Variants in PLGRKT observed in about 807,000 individuals in gnomAD.
PLGRKT encodes plasminogen receptor (KT).
PLGRKT carries 22 observed loss-of-function variants against 18.5 expected under a neutral mutation model. The observed-to-expected ratio is 1.19, with a 90% confidence interval of 0.85 to 1.70. PLGRKT has a LOEUF of 1.70. Ranked by LOEUF, PLGRKT falls within the 40% of genes most tolerant of loss-of-function variation. The probability of loss-of-function intolerance (pLI) is 0.00; values close to 1 mark genes in which losing one functional copy is unlikely to be tolerated. For missense variants in PLGRKT, 235 were observed against 174.4 expected (o/e 1.35, Z -1.96); for synonymous variants, 72 against 52.8 (o/e 1.36, Z -1.58).
intron 3 of PLGRKT, among the ~76,000 whole-genome samples, chr9:5,424,668 T>TTATATATATA (rs375682412): frequency 2.4e-4 from 27 of 113,152 alleles, no homozygotes; most frequent in African/African-American, 9.9e-4. Context: ...ATTATATATT[T>TTATATATATA]TATATATATA....
intron 3 of PLGRKT, among the ~76,000 whole-genome samples, chr9:5,424,691 T>TATATATATATATAC (rs201541927): frequency 4.3e-5 from 3 of 70,502 alleles, no homozygotes; most frequent in African/African-American, 1.8e-4. Context: ...TATATATATA[T>TATATATATATATAC]ACACACAGGG....
chr9:5,399,899 G>C (rs1419921847), intron 3 of PLGRKT, among the ~76,000 whole-genome samples: 3 of 151,702 alleles, frequency 2.0e-5, no homozygotes, highest in African/African-American at 7.3e-5. Context: ...GCTGAGGAAG[G>C]AGAATCACTT....
chr9:5,430,207 T>C (rs1009378143), intron 3 of PLGRKT, among the ~76,000 whole-genome samples: 5 of 152,254 alleles, frequency 3.3e-5, no homozygotes, highest in African/African-American at 1.2e-4. Context: ...TCTTCTGTAA[T>C]AGGCTAACAC....
At chr9:5,395,533 T>C (rs544669829) in intron 3 of PLGRKT, among the ~76,000 whole-genome samples, 3 of 151,992 alleles carry the variant, frequency 2.0e-5, no homozygotes, top group South Asian at 2.1e-4. Flanking sequence ...CATTATGAAA[T>C]AAGAAAGTAT....
intron 3 of PLGRKT, among the ~76,000 whole-genome samples, chr9:5,428,859 T>G (rs1291391530): frequency 6.6e-6 from 1 of 152,156 alleles, no homozygotes. Context: ...ACACCATGCC[T>G]GGCTAATTTT....
intron 3 of PLGRKT, among the ~76,000 whole-genome samples, chr9:5,380,354 G>A (rs1480336842): frequency 2.8e-5 from 4 of 143,674 alleles, no homozygotes; most frequent in South Asian, 2.2e-4. Flanking sequence ...GCCAAACAGC[G>A]AGACTCTGTC....
At chr9:5,431,682 T>C (rs1818828095) in intron 3 of PLGRKT, among the ~76,000 whole-genome samples, 1 of 152,192 alleles carries the variant, frequency 6.6e-6, no homozygotes, top group South Asian at 2.1e-4. Context: ...TATCTCTTCC[T>C]ACAGAATGGA....
intron 3 of PLGRKT, among the ~76,000 whole-genome samples, chr9:5,376,265 T>G (rs1007047142): frequency 6.6e-6 from 1 of 152,052 alleles, no homozygotes; most frequent in Non-Finnish European, 1.5e-5. Context: ...GTTCTGGAGA[T>G]GGAGGGTGGT....
At chr9:5,382,674 A>C (rs1043336071) in intron 3 of PLGRKT, among the ~76,000 whole-genome samples, 1 of 152,222 alleles carries the variant, frequency 6.6e-6, no homozygotes, top group African/African-American at 2.4e-5. Context: ...CAGAACAGTG[A>C]CATGATCAGA....
intron 3 of PLGRKT, among the ~76,000 whole-genome samples, chr9:5,372,163 T>C (rs1189706918): frequency 6.6e-6 from 1 of 151,644 alleles, no homozygotes; most frequent in Non-Finnish European, 1.5e-5. Context: ...TGTATTTTTA[T>C]AGAGATGGGG....
chr9:5,373,679 T>TCACCCAC (rs1817572077), intron 3 of PLGRKT, among the ~76,000 whole-genome samples: 1 of 152,080 alleles, frequency 6.6e-6, no homozygotes, highest in Non-Finnish European at 1.5e-5. Context: ...ACACCTGTAG[T>TCACCCAC]CTTGGCTACT....
At chr9:5,376,182 G>C (rs1817623637) in intron 3 of PLGRKT, among the ~76,000 whole-genome samples, 1 of 152,218 alleles carries the variant, frequency 6.6e-6, no homozygotes, top group Non-Finnish European at 1.5e-5. Flanking sequence ...GTGGTTGCCA[G>C]GGACTGGAGG....
At chr9:5,391,492 G>T (rs1169070773) in intron 3 of PLGRKT, among the ~76,000 whole-genome samples, 1 of 151,918 alleles carries the variant, frequency 6.6e-6, no homozygotes, top group Non-Finnish European at 1.5e-5. Context: ...GTGCTTCTGG[G>T]TACAAAGATG....
At chr9:5,402,924 A>G (rs1019635654) in intron 3 of PLGRKT, among the ~76,000 whole-genome samples, 1 of 152,002 alleles carries the variant, frequency 6.6e-6, no homozygotes, top group Non-Finnish European at 1.5e-5. Flanking sequence ...CTTGACAAGA[A>G]AAAATTGAAA....
At chr9:5,417,349 C>T (rs1436052902) in intron 3 of PLGRKT, among the ~76,000 whole-genome samples, 11 of 151,998 alleles carry the variant, frequency 7.2e-5, no homozygotes, top group Non-Finnish European at 1.6e-4. Flanking sequence ...AAAGTTGGAC[C>T]CTTACTTCAT....
intron 3 of PLGRKT, among the ~76,000 whole-genome samples, chr9:5,405,540 G>C (rs10975097): frequency 0.023 from 3,461 of 152,294 alleles, 77 homozygotes; most frequent in East Asian, 0.091. Context: ...ATGGTGCTGA[G>C]AGAAATGGTT....
intron 3 of PLGRKT, among the ~76,000 whole-genome samples, chr9:5,392,966 C>A (rs529543912): frequency 6.6e-6 from 1 of 151,628 alleles, no homozygotes; most frequent in Non-Finnish European, 1.5e-5. Flanking sequence ...CTCAGCCTCC[C>A]GAGTAGCTGT....
In PLGRKT at chr9:5,424,698, A is replaced by ACAC. The variant is rs554487361; in HGVS notation, c.81+7198_81+7199insGTG. Among the ~76,000 whole-genome samples the ACAC allele has an allele frequency of 1.6e-3, 124 of 75,370 alleles. 2 individuals are homozygous for ACAC. Among genetic ancestry groups the ACAC allele is most frequent in the African/African-American group, 5.5e-3 (118 of 21,588 alleles). 49.4% of individuals were successfully genotyped at this position (75,370 alleles called of 152,430 possible). A position where few individuals can be genotyped will look rare whatever the true frequency, so the allele number is the denominator to read the frequency against. On this transcript the variant is annotated intron_variant, in intron 3 of 5. Coordinates refer to ENST00000223864, the MANE Select transcript of PLGRKT (RefSeq NM_018465.4). ...TATATATATATATATATATACACACAGGGGGGGGAGAGAGGGAGAGACAGA... is the reference window on the plus strand; with the variant it reads ...TATATATATATATATATATACACACACACGGGGGGGGAGAGAGGGAGAGACAGA...
chr9:5,428,013 G>A (rs1818736124), intron 3 of PLGRKT, among the ~76,000 whole-genome samples: 1 of 152,146 alleles, frequency 6.6e-6, no homozygotes. Context: ...TCCCTTCTGG[G>A]GTGGGAGAAG....
Sources: allele counts gnomAD v4.1 joint callset (sites outside exome capture counted in the v4.1 genomes callset), GRCh38; gene constraint gnomAD v4.1.1; transcripts MANE v1.5; gene names NCBI Gene and HGNC (gene_info 2026-07-23, HGNC 2026-07-21).